TRAPPC9: variants seen among roughly 807,000 people sequenced by gnomAD.
The protein encoded by TRAPPC9 is trafficking protein particle complex subunit 9.
Under a neutral mutation model 124.0 loss-of-function variants are expected in TRAPPC9, and 83 were observed. The observed-to-expected ratio is 0.67, with a 90% CI of 0.56 to 0.80. The LOEUF is 0.80. Among genes scored for constraint, TRAPPC9 ranks in the 30% least tolerant of loss-of-function variants. The pLI is 0.00. For missense variants in TRAPPC9, 1,302 were observed against 1,508.3 expected (o/e 0.86, Z 2.27); for synonymous variants, 638 against 617.5 (o/e 1.03, Z -0.49).
At chr8:140,206,718 A>AATAC (rs1371227203) in intron 17 of TRAPPC9, among the ~76,000 whole-genome samples, 6 of 151,456 alleles carry the variant, frequency 4.0e-5, no homozygotes, top group Middle Eastern at 3.4e-3. Flanking sequence ...TATTGCCCCA[A>AATAC]ATACATACAT....
intron 18 of TRAPPC9, among the ~76,000 whole-genome samples, chr8:140,020,940 C>T (rs1474635385): frequency 6.6e-6 from 1 of 152,158 alleles, no homozygotes; most frequent in Non-Finnish European, 1.5e-5. Flanking sequence ...ATACCCAAAC[C>T]AACTAAATAA....
At chr8:139,799,398 A>G (rs1012668306) in intron 21 of TRAPPC9, among the ~76,000 whole-genome samples, 1 of 152,092 alleles carries the variant, frequency 6.6e-6, no homozygotes, top group African/African-American at 2.4e-5. Flanking sequence ...TTTGGAGGCC[A>G]TTTTTCCACT....
intron 7 of TRAPPC9, among the ~76,000 whole-genome samples, chr8:140,388,804 C>T (rs200121254): frequency 7.0e-6 from 1 of 142,760 alleles, no homozygotes; most frequent in Non-Finnish European, 1.5e-5. Context: ...GCAGAGATGG[C>T]GCCATTGCAC....
intron 17 of TRAPPC9, among the ~76,000 whole-genome samples, chr8:140,205,655 G>A (rs1291639877): frequency 6.6e-6 from 1 of 152,172 alleles, no homozygotes; most frequent in East Asian, 1.9e-4. Context: ...CAGATGAGGA[G>A]GAGGAATCCC....
chr8:139,996,547 G>GA (rs534950070), intron 18 of TRAPPC9, among the ~76,000 whole-genome samples: 1,557 of 142,612 alleles, frequency 0.011, 11 homozygotes, highest in Middle Eastern at 0.025. Flanking sequence ...AAATAAAACA[G>GA]AAAAAAAAAA....
At chr8:139,989,152 A>G (rs910989180) in intron 18 of TRAPPC9, among the ~76,000 whole-genome samples, 10 of 152,186 alleles carry the variant, frequency 6.6e-5, no homozygotes, top group African/African-American at 2.4e-4. Context: ...CCAAACCTCA[A>G]TATACACTGA....
chr8:140,108,516 G>T (rs979972419), intron 17 of TRAPPC9, among the ~76,000 whole-genome samples: 2 of 152,292 alleles, frequency 1.3e-5, no homozygotes, highest in Admixed American at 6.5e-5. Context: ...GCTCCCGCTC[G>T]CCCCCCTTGC....
intron 21 of TRAPPC9, among the ~76,000 whole-genome samples, chr8:139,859,953 A>C (rs546638695): frequency 1.3e-5 from 2 of 152,352 alleles, no homozygotes; most frequent in African/African-American, 4.8e-5. Context: ...TCCCAGAAAA[A>C]GGAACTCACA....
intron 2 of TRAPPC9, among the ~76,000 whole-genome samples, chr8:140,445,909 T>G (rs1426795955): frequency 6.6e-6 from 1 of 151,962 alleles, no homozygotes; most frequent in Non-Finnish European, 1.5e-5. Context: ...AGCCAAAGAG[T>G]GTCCTGCAGG....
At chr8:140,052,210 A>G (rs908582343) in intron 17 of TRAPPC9, among the ~76,000 whole-genome samples, 2 of 81,046 alleles carry the variant, frequency 2.5e-5, no homozygotes, top group African/African-American at 1.6e-4. Flanking sequence ...GGTATTCTCC[A>G]AAACAACAAC....
rs1470199457 is a variant in TRAPPC9, at chr8:139,984,927, A to G, written c.2810+3799T>C. 3.3e-5 allele frequency among the ~76,000 whole-genome samples: 5 copies of G among 152,150 alleles called. No individual in the cohort carries two copies. The highest frequency in any genetic ancestry group is 7.3e-5 in the Non-Finnish European group (5 of 68,028). On this transcript the variant is annotated intron_variant, in intron 19 of 22. Transcript: ENST00000438773. This position sits in a 1 kb window ranked among gnomAD's most constrained non-coding sequence, Gnocchi z 4.3. ...AGCAAGATGCCCTTGTCAGGCAGAAAAGGGCAGCCGCTCTGGCTGGGTTAG... is the reference window on the plus strand; with the variant it reads ...AGCAAGATGCCCTTGTCAGGCAGAAGAGGGCAGCCGCTCTGGCTGGGTTAG...
At position 139,732,119 on chromosome 8, in the gene TRAPPC9, G is replaced by A. The variant is rs763511338; in HGVS notation, c.3139C>T (p.Leu1047=). Reference sequence around the variant, plus strand: ...ACGCTGCGCGGGCTCCGGTTGGTCAGCCGCACCTCCAGGCGCACGGGGTCG... The same window carrying A: ...ACGCTGCGCGGGCTCCGGTTGGTCAACCGCACCTCCAGGCGCACGGGGTCG... The part of the protein sequence containing the change: ...VGDPVRLEVR[L]TNRSPRSVGP... The change falls in exon 22 of 23, where the codon CTG becomes TTG. Residue 1047 remains leucine (L), a synonymous_variant. Coordinates refer to ENST00000438773, the MANE Select transcript of TRAPPC9 (RefSeq NM_001160372.4). 3.1e-6 allele frequency: 5 copies of A among 1,607,096 alleles called. No homozygotes were observed. The South Asian group carries it at 5.6e-5, about 18-fold the overall frequency.
intron 21 of TRAPPC9, among the ~76,000 whole-genome samples, chr8:139,862,379 G>T (rs1280667349): frequency 6.6e-6 from 1 of 152,248 alleles, no homozygotes; most frequent in African/African-American, 2.4e-5. Context: ...ACTCAGCCGT[G>T]TTCTTCCAGC....
At chr8:140,447,295 A>G (rs761340372) in intron 2 of TRAPPC9, among the ~76,000 whole-genome samples, 4 of 152,214 alleles carry the variant, frequency 2.6e-5, no homozygotes, top group Non-Finnish European at 4.4e-5. Flanking sequence ...TAAAAAACAT[A>G]TTTTAAAAAA....
chr8:140,045,650 A>AAAAAC lies in TRAPPC9; in HGVS notation c.2557-21572_2557-21571insGTTTT, dbSNP rs1554614221. Among the ~76,000 whole-genome samples, 23 of 111,614 alleles carry AAAAAC rather than the reference A, an allele frequency of 2.1e-4. 2 individuals are homozygous for AAAAAC. Among genetic ancestry groups the AAAAAC allele is most frequent in the South Asian group, 1.2e-3 (4 of 3,322 alleles). The allele number at this position is 111,614 out of a possible 152,430, so 73.2% of individuals were successfully genotyped here. Reference sequence around the variant, plus strand: ...TCGGCAGAAAAAAAAAAAAAAAAAAAAAAAAAAAACCAAGTCAGGTCCTTT... The same window carrying AAAAAC: ...TCGGCAGAAAAAAAAAAAAAAAAAAAAAAACAAAAAAAAACCAAGTCAGGTCCTTT... On this transcript the variant is annotated intron_variant, in intron 17 of 22. Coordinates refer to ENST00000438773, the MANE Select transcript of TRAPPC9 (RefSeq NM_001160372.4).
chr8:140,126,417 G>A (rs1185024174), intron 17 of TRAPPC9, among the ~76,000 whole-genome samples: 2 of 152,144 alleles, frequency 1.3e-5, no homozygotes, highest in Non-Finnish European at 2.9e-5. Flanking sequence ...CCAGTCCCAT[G>A]TCAAGGAGTT....
intron 17 of TRAPPC9, among the ~76,000 whole-genome samples, chr8:140,122,252 G>A (rs1167952439): frequency 6.6e-6 from 1 of 152,152 alleles, no homozygotes; most frequent in Non-Finnish European, 1.5e-5. Context: ...AGGGAGCTTA[G>A]AAACAGATCC....
chr8:139,869,115 T>C (rs1828732470), intron 21 of TRAPPC9, among the ~76,000 whole-genome samples: 1 of 152,076 alleles, frequency 6.6e-6, no homozygotes, highest in African/African-American at 2.4e-5. Flanking sequence ...ACCACAGCAA[T>C]GCATATAAAT....
At chr8:140,288,704 G>A (rs973007478) in intron 12 of TRAPPC9, among the ~76,000 whole-genome samples, 2 of 151,572 alleles carry the variant, frequency 1.3e-5, no homozygotes, top group Non-Finnish European at 2.9e-5. Context: ...GACAGAGTCA[G>A]AAAAAAAAGG....
Sources: gnomAD v4.1 joint callset for allele counts (sites outside exome capture counted in the v4.1 genomes callset) on GRCh38, gnomAD v4.1.1 for gene constraint, Gnocchi (gnomAD v3.1) non-coding constraint, MANE v1.5 for transcripts, NCBI Gene and HGNC (gene_info 2026-07-23, HGNC 2026-07-21) for gene names.